Variants in COL4A2 observed in about 807,000 individuals in gnomAD.
The protein encoded by COL4A2 is collagen type IV alpha 2 chain.
In COL4A2, 99 loss-of-function variants were observed where a neutral mutation model predicts 200.2. The ratio of observed to expected loss-of-function variants is 0.49; its 90% CI spans 0.42 to 0.58. The LOEUF (loss-of-function observed/expected upper bound fraction) is 0.58, where lower values mean the gene tolerates loss of function less well. Among genes scored for constraint, COL4A2 ranks in the 20% least tolerant of loss-of-function variants. COL4A2 has a pLI of 0.00. For synonymous variants in COL4A2, 897 were observed against 900.6 expected, an observed-to-expected ratio of 1.00 and a Z score of 0.07; for missense variants, 1,950 against 2,314.1, an observed-to-expected ratio of 0.84 and a Z score of 3.23.
intron 3 of COL4A2, among the ~76,000 whole-genome samples, chr13:110,343,804 C>T (rs1042510555): frequency 3.3e-5 from 5 of 152,172 alleles, no homozygotes; most frequent in Non-Finnish European, 7.3e-5. Context: ...CCATGCTTTT[C>T]AGATTTTTTT....
At chr13:110,472,802 G>A (rs757704986) in intron 28 of COL4A2, 127 bp from the exon 29 acceptor site, 142 of 759,066 alleles carry the variant, frequency 1.9e-4, no homozygotes, top group African/African-American at 1.1e-3. Context: ...ACAAGGGCTC[G>A]AGCTGAGGAA....
At chr13:110,496,269 G>A (rs771694528) in intron 40 of COL4A2, among the ~76,000 whole-genome samples, 6 of 152,226 alleles carry the variant, frequency 3.9e-5, no homozygotes, top group Non-Finnish European at 8.8e-5. Flanking sequence ...CAGGACCAAG[G>A]AGGCCAGCAA....
chr13:110,348,767 T>C (rs905177447), intron 3 of COL4A2, among the ~76,000 whole-genome samples: 1 of 152,226 alleles, frequency 6.6e-6, no homozygotes, highest in Non-Finnish European at 1.5e-5. Flanking sequence ...TTTTTCAGTA[T>C]TCCTCTGTGG....
intron 29 of COL4A2, among the ~76,000 whole-genome samples, chr13:110,474,227 C>A (rs1393094420): frequency 6.6e-6 from 1 of 152,186 alleles, no homozygotes; most frequent in Non-Finnish European, 1.5e-5. Context: ...TGCTGCCAAC[C>A]CCAGCCCGAA....
intron 46 of COL4A2, chr13:110,507,323 C>T (rs1883920559): frequency 6.5e-6 from 1 of 153,022 alleles, no homozygotes; most frequent in African/African-American, 2.4e-5. Context: ...GCAAAGGCCG[C>T]CAAGGATAAG....
At chr13:110,478,277 G>A in intron 30 of COL4A2, 113 bp downstream of exon 30, 4 of 1,068,912 alleles carry the variant, frequency 3.7e-6, no homozygotes. Context: ...CCCCTTAAGA[G>A]GTGCAGGGGT....
At chr13:110,309,259 C>T (rs1884906001) in intron 3 of COL4A2, among the ~76,000 whole-genome samples, 1 of 152,180 alleles carries the variant, frequency 6.6e-6, no homozygotes, top group African/African-American at 2.4e-5. Flanking sequence ...GTTCAAAGCT[C>T]GGTTTGGGAA....
intron 3 of COL4A2, among the ~76,000 whole-genome samples, chr13:110,330,581 A>G (rs1232006680): frequency 6.6e-6 from 1 of 152,184 alleles, no homozygotes; most frequent in Admixed American, 6.5e-5. Context: ...GTTATGGTTC[A>G]AAGCAGAGTG....
In COL4A2 at chr13:110,436,277, A is replaced by G. The variant is rs1594212819; in HGVS notation, c.735A>G (p.Val245=). 6.2e-7 allele frequency: 1 copy of G among 1,613,974 alleles called. No homozygotes were observed. Among genetic ancestry groups the G allele is most frequent in the African/African-American group, 1.3e-5 (1 of 74,850 alleles). The change falls in exon 13 of 48, where the codon GTA becomes GTG. Residue 245 remains valine (V), a synonymous_variant. Coordinates refer to ENST00000360467, the MANE Select transcript of COL4A2 (RefSeq NM_001846.4). ...FYGVKGEKGD[V]GQPGPNGIPS... ...TGCTTAACAATATGCAGGGTGACGT[A>G]GGGCAGCCGGGACCCAACGGGATTC...
chr13:110,353,420 G>C (rs1315084457), intron 3 of COL4A2, among the ~76,000 whole-genome samples: 1 of 152,202 alleles, frequency 6.6e-6, no homozygotes, highest in Non-Finnish European at 1.5e-5. Context: ...TGAGAGCAGG[G>C]TGGCAGCAGG....
chr13:110,389,891 T>C (rs887958352), intron 4 of COL4A2, among the ~76,000 whole-genome samples: 3 of 152,338 alleles, frequency 2.0e-5, no homozygotes, highest in African/African-American at 7.2e-5. Flanking sequence ...TTAAAAATTT[T>C]TAAAACTACC....
chr13:110,357,010 C>T (rs9521713), intron 3 of COL4A2, among the ~76,000 whole-genome samples: 113,355 of 151,876 alleles, frequency 0.75, 43,831 homozygotes, highest in Non-Finnish European at 0.86. Flanking sequence ...GTGATCCACC[C>T]GCCTCGGCCT....
chr13:110,345,088 G>C (rs1206977378), intron 3 of COL4A2, among the ~76,000 whole-genome samples: 2 of 152,124 alleles, frequency 1.3e-5, no homozygotes, highest in Non-Finnish European at 2.9e-5. Flanking sequence ...AAAAGAATGA[G>C]TGGGGACTAG....
At chr13:110,499,227 A>T (rs1236281953) in intron 40 of COL4A2, among the ~76,000 whole-genome samples, 1 of 152,252 alleles carries the variant, frequency 6.6e-6, no homozygotes, top group East Asian at 1.9e-4. Flanking sequence ...ATGAAGAAAT[A>T]CCAGAGACTG....
intron 28 of COL4A2, among the ~76,000 whole-genome samples, chr13:110,470,546 T>C (rs7988399): frequency 0.91 from 138,305 of 152,172 alleles, 63,321 homozygotes; most frequent in Non-Finnish European, 0.96. Flanking sequence ...CGGGAACACA[T>C]ACTTTCTTTT....
chr13:110,320,840 A>G (rs1193242536), intron 3 of COL4A2, among the ~76,000 whole-genome samples: 1 of 152,212 alleles, frequency 6.6e-6, no homozygotes, highest in East Asian at 1.9e-4. Context: ...AAAGGCTACA[A>G]CTGTTGATTC....
rs1883030418 is a variant in COL4A2 at position 110,484,143 on chromosome 13, G to A, written c.2903-762G>A. ...AGATTAAGTAATTTTCAGCTCCATG[G>A]TAATTATTTCCTCGAGCCTCCTTAG... On this transcript the variant is annotated intron_variant, in intron 32 of 47. Coordinates refer to ENST00000360467, the MANE Select transcript of COL4A2 (RefSeq NM_001846.4). Among the ~76,000 whole-genome samples the A allele has an allele frequency of 2.6e-5, 4 of 151,898 alleles. No individual in the cohort carries two copies. In the South Asian group the frequency reaches 8.3e-4, roughly 31 times the overall value.
chr13:110,501,898 G>C, intron 41 of COL4A2, 114 bp downstream of exon 41: 1 of 1,039,716 alleles, frequency 9.6e-7, no homozygotes, highest in Non-Finnish European at 1.4e-6. Context: ...CCCAGACTCC[G>C]GTCAAAGAGG....
chr13:110,388,188 C>G (rs1379697342), intron 4 of COL4A2, among the ~76,000 whole-genome samples: 1 of 152,190 alleles, frequency 6.6e-6, no homozygotes, highest in African/African-American at 2.4e-5. Context: ...AATATGAAAC[C>G]TGAGAACAAG....
Sources: gnomAD v4.1 joint callset for allele counts (sites outside exome capture counted in the v4.1 genomes callset) on GRCh38, gnomAD v4.1.1 for gene constraint, MANE v1.5 for transcripts, NCBI Gene and HGNC (gene_info 2026-07-23, HGNC 2026-07-21) for gene names.